SPATA22: variants seen among roughly 807,000 people sequenced by gnomAD.
SPATA22 encodes spermatogenesis-associated protein 22.
In SPATA22, 29 loss-of-function variants were observed where a neutral mutation model predicts 47.8. That is an observed-to-expected ratio of 0.61 (90% CI 0.45 to 0.83). The LOEUF is 0.83. SPATA22 is among the 40% of genes least tolerant of loss of function. SPATA22 has a pLI of 0.00. For synonymous variants in SPATA22, 133 were observed against 140.9 expected (o/e 0.94, Z 0.40); for missense variants, 410 against 421.7 (o/e 0.97, Z 0.24).
chr17:3,441,685 A>G (rs987480198), intron 8 of SPATA22: 2 of 152,126 alleles, frequency 1.3e-5, no homozygotes, highest in Non-Finnish European at 2.9e-5. Flanking sequence ...ATGCAAATGC[A>G]TAAGAGACAT....
chr17:3,492,161 G>A (rs568577879), intron 1 of SPATA22, among the ~76,000 whole-genome samples: 17 of 152,300 alleles, frequency 1.1e-4, no homozygotes, highest in Middle Eastern at 3.4e-3. Context: ...ACAGGCCTGC[G>A]CCATTGCGCC....
chr17:3,465,379 C>T (rs1443634901), intron 3 of SPATA22, among the ~76,000 whole-genome samples: 16 of 151,912 alleles, frequency 1.1e-4, no homozygotes, highest in Admixed American at 3.9e-4. Context: ...GGATGGTTGC[C>T]GTGTCAGTGT....
intron 5 of SPATA22, among the ~76,000 whole-genome samples, chr17:3,454,681 T>G (rs1015302841): frequency 2.6e-5 from 4 of 152,034 alleles, no homozygotes; most frequent in African/African-American, 9.7e-5. Context: ...TGCCACATTT[T>G]CTTAATCCAG....
chr17:3,498,963 G>C, intron 1 of SPATA22: 1 of 1,614,014 alleles, frequency 6.2e-7, no homozygotes, highest in Non-Finnish European at 8.5e-7. Context: ...GATCCCACTG[G>C]GCGGAGACTG....
At chr17:3,481,947 A>G (rs376336704) in intron 1 of SPATA22, 10 of 725,852 alleles carry the variant, frequency 1.4e-5, no homozygotes, top group African/African-American at 3.5e-5. Context: ...TTGGGGGGAA[A>G]GGGTGCTACC....
intron 3 of SPATA22, among the ~76,000 whole-genome samples, chr17:3,465,265 C>G (rs1156728966): frequency 6.7e-6 from 1 of 150,348 alleles, no homozygotes; most frequent in East Asian, 2.0e-4. Flanking sequence ...GCCACCACCC[C>G]GTCTGGGAGG....
chr17:3,458,069 T>A (rs1274755264), intron 5 of SPATA22, among the ~76,000 whole-genome samples: 1 of 152,170 alleles, frequency 6.6e-6, no homozygotes, highest in East Asian at 1.9e-4. Flanking sequence ...TTTGGCAAAC[T>A]ATGTAACTGT....
At position 3,493,613 on chromosome 17, in the gene SPATA22, A is replaced by G. The variant is rs111932934; in HGVS notation, c.-74+19799T>C. ...AGAAAAAGAGCACGATACTGAAGTC[A>G]CCTCAGTTGCTGGAACTCCTCCTGA... On this transcript the variant is annotated intron_variant, in intron 1 of 8. Coordinates refer to the SPATA22 transcript ENST00000541913. Among the ~76,000 whole-genome samples the G allele has an allele frequency of 3.7e-3, 559 of 150,876 alleles. 6 individuals carry two copies. The highest frequency in any genetic ancestry group is 0.012 in the African/African-American group (495 of 41,140).
At chr17:3,467,026 A>G (rs1335149836) in intron 3 of SPATA22, among the ~76,000 whole-genome samples, 2 of 152,104 alleles carry the variant, frequency 1.3e-5, no homozygotes, top group East Asian at 1.9e-4. Flanking sequence ...CCTAAAATCT[A>G]TCTTTTTTTT....
chr17:3,465,292 T>C (rs1310662463), intron 3 of SPATA22, among the ~76,000 whole-genome samples: 3 of 151,324 alleles, frequency 2.0e-5, no homozygotes, highest in Non-Finnish European at 4.4e-5. Context: ...CAACAGCTCA[T>C]TGAGAACGGG....
chr17:3,481,409 A>G (rs1219564896), intron 1 of SPATA22, among the ~76,000 whole-genome samples: 1 of 152,262 alleles, frequency 6.6e-6, no homozygotes, highest in Non-Finnish European at 1.5e-5. Context: ...ATGCAACATT[A>G]GTTATATGGA....
At chr17:3,457,527 A>C (rs919059097) in intron 5 of SPATA22, among the ~76,000 whole-genome samples, 4 of 152,186 alleles carry the variant, frequency 2.6e-5, no homozygotes, top group Admixed American at 2.6e-4. Flanking sequence ...TAGCCAAAAC[A>C]ATCTTGAGAA....
At chr17:3,465,194 G>A (rs556168169) in intron 3 of SPATA22, among the ~76,000 whole-genome samples, 59 of 138,722 alleles carry the variant, frequency 4.3e-4, no homozygotes, top group Admixed American at 7.7e-4. Context: ...GCCTCGTCCA[G>A]GAGGTGAGGG....
At chr17:3,446,422 C>A (rs374288363) in intron 7 of SPATA22, 50 bp downstream of exon 7, 20 of 1,542,192 alleles carry the variant, frequency 1.3e-5, no homozygotes, top group African/African-American at 2.8e-5. Flanking sequence ...GACATTAAAA[C>A]CTGTCCTCCA....
chr17:3,512,076 G>T lies in SPATA22; in HGVS notation c.-74+1336C>A, dbSNP rs2087892. 144,383 of 152,318 alleles carry T rather than the reference G, an allele frequency of 0.95. 68,892 individuals are homozygous for T. The highest frequency in any genetic ancestry group is 1 in the East Asian group (5,182 of 5,182). 9.4% of individuals were successfully genotyped at this position (152,318 alleles called of 1,614,324 possible). A position where few individuals can be genotyped will look rare whatever the true frequency, so the allele number is the denominator to read the frequency against. On this transcript the variant is annotated intron_variant, in intron 1 of 8. Coordinates refer to the SPATA22 transcript ENST00000541913. Reference sequence around the variant, plus strand: ...TTCAACAACATTCCTCATTAAGTGCGCAACCAGCTTCTGCTTAAACATCTC... The same window carrying T: ...TTCAACAACATTCCTCATTAAGTGCTCAACCAGCTTCTGCTTAAACATCTC...
intron 1 of SPATA22, chr17:3,494,463 A>G: frequency 6.3e-7 from 1 of 1,590,306 alleles, no homozygotes. Flanking sequence ...TCTGCAGGTA[A>G]CATTTGTTCT....
intron 8 of SPATA22, 68 bp from the exon 9 acceptor site, chr17:3,440,406 T>TTAAA: frequency 7.4e-7 from 1 of 1,357,294 alleles, no homozygotes; most frequent in Non-Finnish European, 9.9e-7. Context: ...TTTTAAATAT[T>TTAAA]TATGTGATCA....
At chr17:3,496,837 CG>C (rs2073916066) in intron 1 of SPATA22, among the ~76,000 whole-genome samples, 2 of 152,268 alleles carry the variant, frequency 1.3e-5, no homozygotes, top group African/African-American at 4.8e-5. Context: ...GAGGCCGAGG[CG>C]GGCGGATCAC....
chr17:3,464,749 GC>G (rs1420092044), intron 3 of SPATA22, among the ~76,000 whole-genome samples: 113 of 132,898 alleles, frequency 8.5e-4, no homozygotes, highest in African/African-American at 3.1e-3. Flanking sequence ...CCCGGCAACC[GC>G]CCCGTCTGAG....
Sources: gnomAD v4.1 joint callset for allele counts (sites outside exome capture counted in the v4.1 genomes callset) on GRCh38, gnomAD v4.1.1 for gene constraint, MANE v1.5 for transcripts, NCBI Gene and HGNC (gene_info 2026-07-23, HGNC 2026-07-21) for gene names.